INPP4B: variants seen among roughly 807,000 people sequenced by gnomAD.
INPP4B encodes the protein inositol polyphosphate-4-phosphatase type II B.
A neutral mutation model predicts 122.5 loss-of-function variants in INPP4B; 55 were observed. The ratio of observed to expected loss-of-function variants is 0.45; its 90% CI spans 0.36 to 0.56. The LOEUF is 0.56. Among genes scored for constraint, INPP4B ranks in the 20% least tolerant of loss-of-function variants. The pLI is 0.00. For synonymous variants in INPP4B, 403 were observed against 388.7 expected, an observed-to-expected ratio of 1.04 and a Z score of -0.43; for missense variants, 1,000 against 1,097.7, an observed-to-expected ratio of 0.91 and a Z score of 1.26.
intron 2 of INPP4B, among the ~76,000 whole-genome samples, chr4:142,547,696 A>G (rs905010179): frequency 3.3e-5 from 5 of 152,194 alleles, no homozygotes; most frequent in African/African-American, 1.2e-4. Flanking sequence ...TAGTAGAAAA[A>G]TACTGCTTTT....
chr4:142,050,529 A>G (rs1426816423), intron 25 of INPP4B, among the ~76,000 whole-genome samples: 1 of 152,028 alleles, frequency 6.6e-6, no homozygotes, highest in African/African-American at 2.4e-5. Context: ...GTGATTCTAT[A>G]TATATTATGG....
At chr4:142,097,455 C>T (rs931867123) in intron 23 of INPP4B, among the ~76,000 whole-genome samples, 4 of 151,728 alleles carry the variant, frequency 2.6e-5, no homozygotes, top group Non-Finnish European at 5.9e-5. Flanking sequence ...GAGTTTTTCA[C>T]CATGTTGACC....
chr4:142,672,190 A>C (rs1327562884), intron 2 of INPP4B, among the ~76,000 whole-genome samples: 1 of 152,190 alleles, frequency 6.6e-6, no homozygotes, highest in Non-Finnish European at 1.5e-5. Flanking sequence ...AGATGCTGTA[A>C]ATATTCATTT....
At chr4:142,603,524 G>T (rs977373753) in intron 2 of INPP4B, among the ~76,000 whole-genome samples, 6 of 151,766 alleles carry the variant, frequency 4.0e-5, no homozygotes, top group Non-Finnish European at 8.8e-5. Flanking sequence ...ATTAAAAAAG[G>T]TGATATTACA....
intron 2 of INPP4B, among the ~76,000 whole-genome samples, chr4:142,623,833 C>T (rs1745577767): frequency 6.6e-6 from 1 of 151,082 alleles, no homozygotes; most frequent in South Asian, 2.1e-4. Context: ...GTTTTTTGTC[C>T]TTGCGATAGT....
intron 11 of INPP4B, among the ~76,000 whole-genome samples, chr4:142,243,778 G>C (rs1313449954): frequency 6.6e-6 from 1 of 152,018 alleles, no homozygotes; most frequent in Non-Finnish European, 1.5e-5. Flanking sequence ...AAAATATTCT[G>C]AATCATGCAT....
At chr4:142,339,359 A>T (rs1335350264) in intron 7 of INPP4B, among the ~76,000 whole-genome samples, 3 of 152,238 alleles carry the variant, frequency 2.0e-5, no homozygotes, top group Non-Finnish European at 4.4e-5. Context: ...GATTATTGTA[A>T]GTGCTGCTTT....
At chr4:142,400,600 CT>C (rs1419461381) in intron 7 of INPP4B, among the ~76,000 whole-genome samples, 2 of 152,180 alleles carry the variant, frequency 1.3e-5, no homozygotes, top group East Asian at 3.9e-4. Flanking sequence ...TCTATGTACA[CT>C]TCCATCACCA....
intron 15 of INPP4B, among the ~76,000 whole-genome samples, chr4:142,188,655 A>C (rs1420641538): frequency 6.6e-6 from 1 of 151,700 alleles, no homozygotes; most frequent in African/African-American, 2.4e-5. Flanking sequence ...ATAGAAAAAA[A>C]AAAATCCAAG....
chr4:142,110,541 A>G (rs553876569), intron 22 of INPP4B, among the ~76,000 whole-genome samples: 9 of 152,196 alleles, frequency 5.9e-5, no homozygotes, highest in Non-Finnish European at 1.2e-4. Flanking sequence ...GTAAAGCTCA[A>G]AATTCAGAAT....
At chr4:142,370,287 A>G (rs1162709845) in intron 7 of INPP4B, among the ~76,000 whole-genome samples, 1 of 152,182 alleles carries the variant, frequency 6.6e-6, no homozygotes, top group Admixed American at 6.5e-5. Context: ...ACCCACTCTC[A>G]TGAAGCACAC....
chr4:142,077,220 T>C (rs1322441463), intron 25 of INPP4B, among the ~76,000 whole-genome samples: 2 of 152,036 alleles, frequency 1.3e-5, no homozygotes, highest in South Asian at 4.1e-4. Flanking sequence ...GGGTGATACA[T>C]AGGTATATGC....
intron 23 of INPP4B, among the ~76,000 whole-genome samples, chr4:142,098,060 G>A (rs1326274297): frequency 2.0e-5 from 3 of 152,158 alleles, no homozygotes; most frequent in Non-Finnish European, 1.5e-5. Flanking sequence ...CAATTTTAAA[G>A]AGGGTGTTTA....
At chr4:142,282,529 G>C (rs1418734537) in intron 9 of INPP4B, among the ~76,000 whole-genome samples, 7 of 152,106 alleles carry the variant, frequency 4.6e-5, no homozygotes, top group African/African-American at 1.7e-4. Flanking sequence ...CAAGATATAG[G>C]CTGGAATGCA....
intron 2 of INPP4B, among the ~76,000 whole-genome samples, chr4:142,646,402 G>C (rs1050199678): frequency 6.6e-6 from 1 of 152,068 alleles, no homozygotes; most frequent in East Asian, 1.9e-4. Flanking sequence ...ACAGGCAAAA[G>C]ATCCAAAATC....
intron 1 of INPP4B, among the ~76,000 whole-genome samples, chr4:142,772,406 T>C (rs1244824530): frequency 2.0e-5 from 3 of 151,686 alleles, no homozygotes; most frequent in African/African-American, 7.3e-5. Flanking sequence ...CAAAGTGGAG[T>C]TGAAGTTGTG....
intron 2 of INPP4B, among the ~76,000 whole-genome samples, chr4:142,707,517 G>C (rs896975932): frequency 5.3e-5 from 8 of 152,210 alleles, no homozygotes; most frequent in Non-Finnish European, 1.0e-4. Flanking sequence ...TCTCATGATA[G>C]TGAGCGAGTT....
At position 142,108,932 on chromosome 4, in the gene INPP4B, T is replaced by A. The variant is rs28508450; in HGVS notation, c.2277-742A>T. On this transcript the variant is annotated intron_variant, in intron 22 of 25. Coordinates refer to ENST00000262992, the MANE Select transcript of INPP4B (RefSeq NM_001101669.3). ...CAAAATCTCTATTTCTAGGTGTGAA[T>A]AGAAAATTTCAGTGTGCATTTTCCA... Among the ~76,000 whole-genome samples, 1,064 of 152,266 alleles carry A rather than the reference T, an allele frequency of 7.0e-3. 11 individuals carry two copies. The highest frequency in any genetic ancestry group is 0.024 in the African/African-American group (994 of 41,556).
intron 14 of INPP4B, chr4:142,202,857 A>C: frequency 1.3e-6 from 1 of 751,938 alleles, no homozygotes; most frequent in Non-Finnish European, 1.6e-6. Context: ...AAGCCCATTC[A>C]TTCCCTGTGG....
Sources: allele counts gnomAD v4.1 joint callset (sites outside exome capture counted in the v4.1 genomes callset), GRCh38; gene constraint gnomAD v4.1.1; transcripts MANE v1.5; gene names NCBI Gene and HGNC (gene_info 2026-07-23, HGNC 2026-07-21).